TSPAN11: variants seen among roughly 807,000 people sequenced by gnomAD.
The protein encoded by TSPAN11 is tetraspanin-11.
TSPAN11 carries 29 observed loss-of-function variants against 32.9 expected under a neutral mutation model. The ratio of observed to expected loss-of-function variants is 0.88; its 90% CI spans 0.66 to 1.20. The LOEUF (loss-of-function observed/expected upper bound fraction) is 1.20. TSPAN11 is among the 50% of genes most tolerant of loss of function. TSPAN11 has a pLI of 0.00. For missense variants in TSPAN11, 283 were observed against 329.1 expected, an observed-to-expected ratio of 0.86 and a Z score of 1.08; for synonymous variants, 140 against 141.3, an observed-to-expected ratio of 0.99 and a Z score of 0.07.
chr12:30,960,469 T>C (rs966445682), intron 2 of TSPAN11, among the ~76,000 whole-genome samples: 1 of 151,938 alleles, frequency 6.6e-6, no homozygotes, highest in Non-Finnish European at 1.5e-5. Flanking sequence ...AGCCCTATGG[T>C]AGCGAGACAA....
At chr12:31,001,995 G>C in the TSPAN11 span, among the ~76,000 whole-genome samples, 730 of 152,276 alleles carry the variant, frequency 4.8e-3, 4 homozygotes, top group African/African-American at 0.017. Context: ...AGAACAAGCA[G>C]AGACAGGGTG....
chr12:30,957,236 C>CG (rs1565793728), intron 2 of TSPAN11, among the ~76,000 whole-genome samples: 1 of 146,868 alleles, frequency 6.8e-6, no homozygotes, highest in Non-Finnish European at 1.5e-5. Flanking sequence ...GGACCCCCCC[C>CG]CCCCCCACAC....
rs1162546221 is a variant in TSPAN11 at position 30,981,299 on chromosome 12, C to CAG, written c.457-1229_457-1228dup. Reference sequence around the variant, plus strand: ...AGCAGCAGCACGTGGATGTAAATGACAGAGACACACAAAGCTGTATTCACA... The same window carrying CAG: ...AGCAGCAGCACGTGGATGTAAATGACAGAGAGACACACAAAGCTGTATTCACA... On this transcript the variant is annotated intron_variant, in intron 5 of 7. Coordinates refer to ENST00000546076, the MANE Select transcript of TSPAN11 (RefSeq NM_001370302.1). Among the ~76,000 whole-genome samples the CAG allele has an allele frequency of 2.0e-5, 3 of 152,334 alleles. No homozygotes were observed. In the East Asian group the frequency reaches 5.8e-4, roughly 29 times the overall value.
At chr12:31,014,335 C>G in the TSPAN11 span, among the ~76,000 whole-genome samples, 1 of 152,200 alleles carries the variant, frequency 6.6e-6, no homozygotes, top group Non-Finnish European at 1.5e-5. Flanking sequence ...AATATTGGCT[C>G]ATAATACCCA....
intron 3 of TSPAN11, among the ~76,000 whole-genome samples, chr12:30,976,323 A>G (rs1043871196): frequency 1.3e-5 from 2 of 152,180 alleles, no homozygotes; most frequent in Non-Finnish European, 2.9e-5. Flanking sequence ...AGGGGACCAA[A>G]GAAGGCTGAA....
At position 30,937,197 on chromosome 12, in the gene TSPAN11, C is replaced by A. The variant is rs758923291; in HGVS notation, c.-12+10401C>A. ...TAAGTGGGCGGTGGAGGAGGTCAGA[C>A]AGTGGTGGGGTGCAGGATGAATGGA... On this transcript the variant is annotated intron_variant, in intron 1 of 7. Transcript: ENST00000546076. Among the ~76,000 whole-genome samples the A allele has an allele frequency of 3.4e-4, 52 of 152,236 alleles. 1 individual carries two copies. The highest frequency in any genetic ancestry group is 5.9e-4 in the Admixed American group (9 of 15,296).
intron 1 of TSPAN11, chr12:30,927,031 A>G: frequency 7.8e-7 from 1 of 1,284,738 alleles, no homozygotes; most frequent in Non-Finnish European, 1.0e-6. Flanking sequence ...TGGGACACGC[A>G]ACACGGTGTC....
chr12:30,984,552 C>CTTTTTTTTTT (rs55772956), intron 7 of TSPAN11, among the ~76,000 whole-genome samples: 50 of 68,582 alleles, frequency 7.3e-4, no homozygotes, highest in East Asian at 2.4e-3. Context: ...TCGCTTTTTG[C>CTTTTTTTTTT]TTTTTTTTTT....
chr12:30,935,304 A>G (rs1470226936), intron 1 of TSPAN11, among the ~76,000 whole-genome samples: 1 of 151,730 alleles, frequency 6.6e-6, no homozygotes, highest in Non-Finnish European at 1.5e-5. Context: ...AAAAGTGTAG[A>G]CTGTACCCTT....
At chr12:30,955,477 A>G (rs1288119007) in intron 2 of TSPAN11, among the ~76,000 whole-genome samples, 4 of 152,254 alleles carry the variant, frequency 2.6e-5, no homozygotes, top group Non-Finnish European at 4.4e-5. Flanking sequence ...TGTATCCACT[A>G]CAGATAACCT....
At chr12:30,980,756 G>A (rs960291332) in intron 5 of TSPAN11, among the ~76,000 whole-genome samples, 7 of 152,152 alleles carry the variant, frequency 4.6e-5, no homozygotes, top group African/African-American at 7.2e-5. Flanking sequence ...GGACACGCAT[G>A]TACACACAAG....
At chr12:30,990,754 T>C (rs1939296267) in intron 7 of TSPAN11, among the ~76,000 whole-genome samples, 1 of 152,164 alleles carries the variant, frequency 6.6e-6, no homozygotes, top group Admixed American at 6.5e-5. Context: ...TGCATCCAGG[T>C]TTGCACCGGC....
chr12:31,010,167 C>T, the TSPAN11 span, among the ~76,000 whole-genome samples: 8 of 152,158 alleles, frequency 5.3e-5, no homozygotes, highest in Admixed American at 5.2e-4. Context: ...TTGCCCCTCA[C>T]ACCCTTGTGA....
intron 3 of TSPAN11, among the ~76,000 whole-genome samples, chr12:30,976,656 A>T (rs1254859495): frequency 6.6e-6 from 1 of 152,076 alleles, no homozygotes; most frequent in Non-Finnish European, 1.5e-5. Context: ...GGGCAGAGGG[A>T]ACATCCCCTT....
chr12:30,999,725 C>T (rs1939459847), downstream of TSPAN11, among the ~76,000 whole-genome samples: 1 of 152,060 alleles, frequency 6.6e-6, no homozygotes, highest in South Asian at 2.1e-4. Context: ...GAAATTTGCC[C>T]ACTGGTTGGA....
chr12:31,003,275 G>C, the TSPAN11 span, among the ~76,000 whole-genome samples: 1 of 152,224 alleles, frequency 6.6e-6, no homozygotes, highest in Non-Finnish European at 1.5e-5. Flanking sequence ...GGGAGGTGTG[G>C]GGACCGTTCT....
At chr12:30,979,508 G>T in intron 4 of TSPAN11, 58 bp from the exon 5 acceptor site, 1 of 1,536,716 alleles carries the variant, frequency 6.5e-7, no homozygotes, top group Admixed American at 1.7e-5. Context: ...TGGGCCCGGT[G>T]CCAGGGCAGG....
chr12:31,002,551 C>T, the TSPAN11 span, among the ~76,000 whole-genome samples: 4 of 152,240 alleles, frequency 2.6e-5, no homozygotes, highest in South Asian at 2.1e-4. This position sits in a 1 kb window ranked among gnomAD's most constrained non-coding sequence, Gnocchi z 4.8. Flanking sequence ...TCTCAGACCC[C>T]GCCTCCTCAG....
chr12:30,978,107 C>T (rs997820305), intron 3 of TSPAN11, among the ~76,000 whole-genome samples: 5 of 152,142 alleles, frequency 3.3e-5, no homozygotes, highest in Non-Finnish European at 7.3e-5. Context: ...TAGCAAATGC[C>T]TATTCAGTCC....
Sources: gnomAD v4.1 joint callset for allele counts (sites outside exome capture counted in the v4.1 genomes callset) on GRCh38, gnomAD v4.1.1 for gene constraint, Gnocchi (gnomAD v3.1) non-coding constraint, MANE v1.5 for transcripts, NCBI Gene and HGNC (gene_info 2026-07-23, HGNC 2026-07-21) for gene names.